The following SPTA1 variants were observed in gnomAD, a reference collection of about 807,000 sequenced individuals.
SPTA1 encodes the protein spectrin alpha, erythrocytic 1, also known as spectrin alpha chain, erythrocytic 1.
SPTA1 carries 177 observed loss-of-function variants against 324.7 expected under a neutral mutation model. That is an observed-to-expected ratio of 0.55 (90% CI 0.48 to 0.62). The LOEUF (loss-of-function observed/expected upper bound fraction) is 0.62. SPTA1 is among the 20% of genes least tolerant of loss of function. The pLI, the probability that SPTA1 is intolerant of heterozygous loss-of-function variation, is 0.00. For synonymous variants in SPTA1, 1,195 were observed against 1,041.3 expected (o/e 1.15, Z -2.84); for missense variants, 3,162 against 2,883.6 (o/e 1.10, Z -2.21).
chr1:158,615,992 T>C (rs1198437639), intron 47 of SPTA1, among the ~76,000 whole-genome samples: 2 of 152,176 alleles, frequency 1.3e-5, no homozygotes, highest in African/African-American at 4.8e-5. Flanking sequence ...AGTGAGGGAA[T>C]ATTGCTCATA....
chr1:158,665,694 G>A (rs916927344), intron 16 of SPTA1, among the ~76,000 whole-genome samples: 6 of 152,060 alleles, frequency 3.9e-5, no homozygotes, highest in Non-Finnish European at 8.8e-5. Context: ...GTTAATTTTC[G>A]CTGTCACATT....
intron 5 of SPTA1, 118 bp downstream of exon 5, chr1:158,680,465 G>A: frequency 1.4e-6 from 2 of 1,440,360 alleles, no homozygotes; most frequent in Non-Finnish European, 1.9e-6. Flanking sequence ...CCAGGAACAT[G>A]CCAACCTCTG....
chr1:158,627,124 C>A lies in SPTA1; in HGVS notation c.5665-117G>T. On this transcript the variant is annotated intron_variant, in intron 40 of 51. Transcript: ENST00000643759. Reference sequence around the variant, plus strand: ...TTTCAAATATATAACCAAGTGTGACCGTCTTAGTTTGTGTAAGTTTCTAGG... The same window carrying A: ...TTTCAAATATATAACCAAGTGTGACAGTCTTAGTTTGTGTAAGTTTCTAGG... The A allele has an allele frequency of 2.9e-6, 4 of 1,365,798 alleles. No individual in the cohort carries two copies. The South Asian group carries it at 4.8e-5, about 16-fold the overall frequency. The allele number at this position is 1,365,798 out of a possible 1,614,324, so 84.6% of individuals were successfully genotyped here. A position where few individuals can be genotyped will look rare whatever the true frequency, so the allele number is the denominator to read the frequency against.
chr1:158,654,613 T>G lies in SPTA1; in HGVS notation c.3034A>C (p.Lys1012Gln). Residue 1012 changes from lysine (K) to glutamine (Q), a missense_variant and splice_region_variant, in exon 21 of 52, where the codon AAG becomes CAG. Physicochemically the swap from Lys to Gln is moderately conservative, Grantham distance 53 (BLOSUM62 1). Transcript: ENST00000643759. ...DVLTLLSSIN[K>Q]DWWKVEAADH... ...GAAAGATTAGAAGGAAAAGTCACCTTATTGATGGAACTGAGCAGCGTTAAG... is the reference window on the plus strand; with the variant it reads ...GAAAGATTAGAAGGAAAAGTCACCTGATTGATGGAACTGAGCAGCGTTAAG... 2 of 1,613,972 alleles carry G rather than the reference T, an allele frequency of 1.2e-6. No homozygotes were observed. The highest frequency in any genetic ancestry group is 1.7e-6 in the Non-Finnish European group (2 of 1,179,972).
intron 2 of SPTA1, 109 bp from the exon 3 acceptor site, chr1:158,683,605 GA>G: frequency 7.0e-7 from 1 of 1,430,810 alleles, no homozygotes; most frequent in Non-Finnish European, 9.7e-7. Context: ...CCCAGACTCA[GA>G]GGCCATAAAG....
chr1:158,684,592 G>A (rs567258305), intron 2 of SPTA1, among the ~76,000 whole-genome samples: 26 of 152,068 alleles, frequency 1.7e-4, no homozygotes, highest in Admixed American at 2.6e-4. Flanking sequence ...CAGAATTACT[G>A]TTTCTAACAG....
At chr1:158,626,039 C>A in intron 42 of SPTA1, 107 bp downstream of exon 42, 1 of 907,320 alleles carries the variant, frequency 1.1e-6, no homozygotes, top group Non-Finnish European at 1.8e-6. Context: ...GAAAATCTTA[C>A]AGAGGCTACA....
chr1:158,611,166 C>CACACACACTA lies in SPTA1; in HGVS notation c.*97_*98insTAGTGTGTGT. 2.2e-6 allele frequency: 3 copies of CACACACACTA among 1,387,716 alleles called. No individual in the cohort carries two copies. Among genetic ancestry groups the CACACACACTA allele is most frequent in the Non-Finnish European group, 3.0e-6 (3 of 989,754 alleles). 86.0% of individuals were successfully genotyped at this position (1,387,716 alleles called of 1,614,324 possible). On this transcript the variant is annotated 3_prime_UTR_variant, in exon 52 of 52. Coordinates refer to ENST00000643759, the MANE Select transcript of SPTA1 (RefSeq NM_003126.4). ...ACACACACACACACACACACACACA[C>CACACACACTA]GAGGCCATCTTTATCTTCCACATTT...
At position 158,678,388 on chromosome 1, in the gene SPTA1, G is replaced by T. The variant is rs776197946; in HGVS notation, c.812+13C>A. 2 of 1,613,442 alleles carry T rather than the reference G, an allele frequency of 1.2e-6. No homozygotes were observed. Among genetic ancestry groups the T allele is most frequent in the Non-Finnish European group, 1.7e-6 (2 of 1,179,536 alleles). On this transcript the variant is annotated intron_variant, in intron 6 of 51. Coordinates refer to ENST00000643759, the MANE Select transcript of SPTA1 (RefSeq NM_003126.4). Reference sequence around the variant, plus strand: ...CTTCAAAGTTTTCTATAAAGCAGTGGCCAGATCCATACCTTTTGAATCGTT... The same window carrying T: ...CTTCAAAGTTTTCTATAAAGCAGTGTCCAGATCCATACCTTTTGAATCGTT...
chr1:158,683,837 TG>T (rs1654982495), intron 2 of SPTA1, among the ~76,000 whole-genome samples: 1 of 65,562 alleles, frequency 1.5e-5, no homozygotes, highest in Admixed American at 1.5e-4. Flanking sequence ...GTTATAATAA[TG>T]GTTTTTAAAA....
rs772421549 is a variant in SPTA1, at chr1:158,626,133, C to T, written c.5910+13G>A. ...ATCAGGTCTTGGGCTTACCTAACAT[C>T]TATCAATCTCACCTGTTTTGCCAGA... On this transcript the variant is annotated intron_variant, in intron 42 of 51. Coordinates refer to ENST00000643759, the MANE Select transcript of SPTA1 (RefSeq NM_003126.4). 1 of 1,612,266 alleles carries T rather than the reference C, an allele frequency of 6.2e-7. No homozygotes were observed. Among genetic ancestry groups the T allele is most frequent in the Admixed American group, 1.7e-5 (1 of 59,980 alleles).
intron 24 of SPTA1, 142 bp from the exon 25 acceptor site, chr1:158,650,089 G>A: frequency 1.4e-6 from 1 of 707,794 alleles, no homozygotes; most frequent in Non-Finnish European, 2.5e-6. Flanking sequence ...TTCTTTCTTG[G>A]ACAGCTTGAG....
At chr1:158,658,051 A>G (rs1309456564) in intron 18 of SPTA1, among the ~76,000 whole-genome samples, 3 of 152,210 alleles carry the variant, frequency 2.0e-5, no homozygotes, top group Non-Finnish European at 4.4e-5. Flanking sequence ...AGTTATTACT[A>G]TGAGAGTTGC....
intron 45 of SPTA1, 75 bp from the exon 46 acceptor site, chr1:158,618,131 G>T: frequency 1.4e-6 from 2 of 1,400,844 alleles, no homozygotes; most frequent in South Asian, 2.3e-5. Context: ...TTACTTTAAA[G>T]ATCTCATTTC....
At position 158,666,432 on chromosome 1, in the gene SPTA1, A is replaced by T; in HGVS notation, c.2104T>A (p.Trp702Arg). 1 of 1,613,496 alleles carries T rather than the reference A, an allele frequency of 6.2e-7. No individual in the cohort carries two copies. Among genetic ancestry groups the T allele is most frequent in the Non-Finnish European group, 8.5e-7 (1 of 1,179,960 alleles). The change falls in exon 16 of 52, where the codon TGG becomes AGG. Residue 702 changes from tryptophan (W) to arginine (R), a missense_variant. By Grantham distance (101) the Trp-to-Arg change is moderately radical. Transcript: ENST00000643759. Reference sequence around the variant, plus strand: ...ACTTGCCACTCAACATCCTCCAGCCAGCGCTGCAAATCTTCTGCATTATTT... The same window carrying T: ...ACTTGCCACTCAACATCCTCCAGCCTGCGCTGCAAATCTTCTGCATTATTT... ...FENNAEDLQRWLEDVEWQVTS... is the reference protein window; with the variant it reads ...FENNAEDLQRRLEDVEWQVTS...
Position 158,652,577 on chromosome 1 carries a change from A to C in SPTA1, c.3265T>G (p.Tyr1089Asp). 6.2e-7 allele frequency: 1 copy of C among 1,613,944 alleles called. No homozygotes were observed. ...CATTCCAGCATGTCTCCTGCCTCAT[A>C]GGCCAATAAAAATTCATTATAACGT... ...LQRYNEFLLA[Y>D]EAGDMLEWIQ... The change falls in exon 23 of 52, where the codon TAT (tyrosine) becomes GAT (aspartate). Residue 1089 changes from tyrosine (Y) to aspartate (D), a missense_variant. Coordinates refer to ENST00000643759, the MANE Select transcript of SPTA1 (RefSeq NM_003126.4).
intron 10 of SPTA1, 93 bp from the exon 11 acceptor site, chr1:158,672,289 G>C (rs1654082334): frequency 2.2e-6 from 3 of 1,385,248 alleles, no homozygotes; most frequent in East Asian, 5.0e-5. Context: ...GCCATTTAAG[G>C]ATACAAAAAT....
In SPTA1 at chr1:158,612,815, A is replaced by C. The variant is rs1170758603; in HGVS notation, c.7134+2T>G. On this transcript the variant is annotated splice_donor_variant, in intron 51 of 51. Coordinates refer to ENST00000643759, the MANE Select transcript of SPTA1 (RefSeq NM_003126.4). LOFTEE classifies it high-confidence loss of function. ...TAGTAGGGGAAGCAACCAGAATCGG[A>C]CCTGCTTCATGTCTTCTTTGGTAAT... The C allele has an allele frequency of 6.2e-7, 1 of 1,613,636 alleles. No individual in the cohort carries two copies. Among genetic ancestry groups the C allele is most frequent in the Non-Finnish European group, 8.5e-7 (1 of 1,179,798 alleles).
intron 49 of SPTA1, 60 bp downstream of exon 49, chr1:158,614,193 T>G: frequency 7.8e-7 from 1 of 1,284,558 alleles, no homozygotes; most frequent in Non-Finnish European, 1.1e-6. Flanking sequence ...ACATTATTTG[T>G]AGACTCATTC....
Sources: allele counts gnomAD v4.1 joint callset (sites outside exome capture counted in the v4.1 genomes callset), GRCh38; gene constraint gnomAD v4.1.1; transcripts MANE v1.5; gene names NCBI Gene and HGNC (gene_info 2026-07-23, HGNC 2026-07-21).